Variants in BPIFA2 observed in about 807,000 individuals in gnomAD.
BPIFA2 encodes BPI fold-containing family A member 2.
In BPIFA2, 20 loss-of-function variants were observed where a neutral mutation model predicts 25.7. That is an observed-to-expected ratio of 0.78 (90% CI 0.55 to 1.13). The LOEUF (loss-of-function observed/expected upper bound fraction) is 1.13, where lower values mean the gene tolerates loss of function less well. Among genes scored for constraint, BPIFA2 ranks in the 50% most tolerant of loss-of-function variants. BPIFA2 has a pLI of 0.00. For synonymous variants in BPIFA2, 126 were observed against 124.3 expected (o/e 1.01, Z -0.09); for missense variants, 300 against 298.1 (o/e 1.01, Z -0.05).
chr20:33,173,154 G>A, intron 3 of BPIFA2, 78 bp downstream of exon 3: 1 of 1,515,396 alleles, frequency 6.6e-7, no homozygotes, highest in Non-Finnish European at 9.0e-7. Flanking sequence ...AGTTTAAGAT[G>A]AAAGACAGAT....
intron 2 of BPIFA2, among the ~76,000 whole-genome samples, 159 bp downstream of exon 2, chr20:33,169,461 C>A (rs553599769): frequency 1.6e-4 from 24 of 152,320 alleles, no homozygotes; most frequent in Admixed American, 5.2e-4. Flanking sequence ...TTTCTAGAAA[C>A]AAGCAATGCC....
chr20:33,171,875 A>G (rs1180616239), intron 2 of BPIFA2, among the ~76,000 whole-genome samples: 1 of 152,126 alleles, frequency 6.6e-6, no homozygotes, highest in East Asian at 1.9e-4. Flanking sequence ...TGACCCAGCA[A>G]TCCCATTACT....
chr20:33,179,672 G>A lies in BPIFA2; in HGVS notation c.709+5G>A. 6.8e-6 allele frequency: 11 copies of A among 1,607,456 alleles called. No homozygotes were observed. The highest frequency in any genetic ancestry group is 9.4e-6 in the Non-Finnish European group (11 of 1,174,160). On this transcript the variant is annotated splice_donor_5th_base_variant and intron_variant, in intron 7 of 8. Transcript: ENST00000354932. ...ATGTCATTCAGCAGGTCGTCGGTAA[G>A]TCAATGGGGAAGTGGGGACCTTCTG...
rs140884121 is a variant in BPIFA2, at chr20:33,179,819, G to A, written c.709+152G>A. 6.0e-5 allele frequency: 46 copies of A among 760,876 alleles called. 1 individual carries two copies. Among genetic ancestry groups the A allele is most frequent in the East Asian group, 1.8e-4 (7 of 39,634 alleles). 47.1% of individuals were successfully genotyped at this position (760,876 alleles called of 1,614,324 possible). On this transcript the variant is annotated intron_variant, in intron 7 of 8. Coordinates refer to ENST00000354932, the MANE Select transcript of BPIFA2 (RefSeq NM_080574.4). ...CATGGCTTCCCCTCCACAGGCACCC[G>A]GGGGCTCCCTTTGGCTTTTGGGTCT...
At chr20:33,167,076 C>A (rs1468026153), upstream of BPIFA2, among the ~76,000 whole-genome samples, 1 of 152,244 alleles carries the variant, frequency 6.6e-6, no homozygotes, top group Non-Finnish European at 1.5e-5. Flanking sequence ...CAGCTCTGTG[C>A]TGTAACAGTG....
At chr20:33,172,618 G>A (rs1983936457) in intron 2 of BPIFA2, among the ~76,000 whole-genome samples, 1 of 152,048 alleles carries the variant, frequency 6.6e-6, no homozygotes, top group Non-Finnish European at 1.5e-5. Flanking sequence ...AGACACTGGT[G>A]TACAATCAAT....
At chr20:33,164,490 ACCTC>A (rs1291358559), upstream of BPIFA2, among the ~76,000 whole-genome samples, 1 of 147,840 alleles carries the variant, frequency 6.8e-6, no homozygotes, top group African/African-American at 2.5e-5. Flanking sequence ...GACGTGGCTG[ACCTC>A]CCTCCCTCCC....
At chr20:33,171,072 G>C (rs550928473) in intron 2 of BPIFA2, among the ~76,000 whole-genome samples, 1 of 152,206 alleles carries the variant, frequency 6.6e-6, no homozygotes, top group South Asian at 2.1e-4. Context: ...TGAAGTTTCT[G>C]TTCTGTTCCA....
intron 7 of BPIFA2, among the ~76,000 whole-genome samples, chr20:33,180,282 G>A (rs568027715): frequency 1.1e-4 from 17 of 152,030 alleles, no homozygotes; most frequent in Non-Finnish European, 2.1e-4. Flanking sequence ...CCCTTAGGCA[G>A]TCACTTTGTG....
At chr20:33,177,487 T>G (rs917986905) in intron 5 of BPIFA2, among the ~76,000 whole-genome samples, 1 of 152,204 alleles carries the variant, frequency 6.6e-6, no homozygotes, top group Non-Finnish European at 1.5e-5. Context: ...AAAGCTAAGC[T>G]GCCGTGGATC....
chr20:33,172,876 C>A, intron 2 of BPIFA2, 56 bp from the exon 3 acceptor site: 6 of 1,571,234 alleles, frequency 3.8e-6, no homozygotes, highest in East Asian at 2.3e-5. Context: ...GTACCTGGAG[C>A]ATCGTAGCTA....
intron 7 of BPIFA2, 75 bp from the exon 8 acceptor site, chr20:33,180,445 G>A: frequency 2.0e-6 from 3 of 1,502,270 alleles, no homozygotes; most frequent in Non-Finnish European, 2.8e-6. Flanking sequence ...CTGGAGAGCG[G>A]CATCTTTTGG....
chr20:33,169,065 G>C, intron 1 of BPIFA2, 66 bp from the exon 2 acceptor site: 1 of 1,314,986 alleles, frequency 7.6e-7, no homozygotes. Flanking sequence ...AGAGTGATGG[G>C]AACTCACTGA....
intron 7 of BPIFA2, among the ~76,000 whole-genome samples, chr20:33,180,239 A>G (rs1380645547): frequency 6.6e-6 from 1 of 151,562 alleles, no homozygotes. Flanking sequence ...AAAAAAAAAG[A>G]AGAAGAAGAA....
chr20:33,170,295 T>C (rs1983856997), intron 2 of BPIFA2, among the ~76,000 whole-genome samples: 1 of 152,272 alleles, frequency 6.6e-6, no homozygotes, highest in Admixed American at 6.5e-5. Flanking sequence ...TCTTTTCTTA[T>C]ACGGTATAGT....
intron 2 of BPIFA2, among the ~76,000 whole-genome samples, chr20:33,172,445 AGCT>A: frequency 6.6e-6 from 1 of 152,284 alleles, no homozygotes; most frequent in East Asian, 1.9e-4. Context: ...CCTGCTGGAA[AGCT>A]GTCATTCTGG....
At chr20:33,175,690 G>A in intron 5 of BPIFA2, 131 bp downstream of exon 5, 1 of 969,940 alleles carries the variant, frequency 1.0e-6, no homozygotes, top group Non-Finnish European at 1.5e-6. Context: ...TGTTGACCTT[G>A]GTTTACACAT....
intron 1 of BPIFA2, among the ~76,000 whole-genome samples, chr20:33,162,774 C>T (rs1264118357): frequency 6.6e-6 from 1 of 152,158 alleles, no homozygotes; most frequent in African/African-American, 2.4e-5. Flanking sequence ...ATAAATATAC[C>T]CAGACTTAGC....
intron 1 of BPIFA2, among the ~76,000 whole-genome samples, chr20:33,168,883 G>C (rs1983804422): frequency 6.6e-6 from 1 of 152,216 alleles, no homozygotes; most frequent in Admixed American, 6.5e-5. Context: ...CGTATGAAAA[G>C]GAACTTTGTG....
Sources: gnomAD v4.1 joint callset for allele counts (sites outside exome capture counted in the v4.1 genomes callset) on GRCh38, gnomAD v4.1.1 for gene constraint, MANE v1.5 for transcripts, NCBI Gene and HGNC (gene_info 2026-07-23, HGNC 2026-07-21) for gene names.